The following CPEB3 variants were observed in gnomAD, a reference collection of about 807,000 sequenced individuals.
CPEB3 encodes cytoplasmic polyadenylation element-binding protein 3.
CPEB3 carries 20 observed loss-of-function variants against 67.2 expected under a neutral mutation model. The observed-to-expected ratio is 0.30, with a 90% CI of 0.21 to 0.43. CPEB3 has a LOEUF of 0.43. Among genes scored for constraint, CPEB3 ranks in the 20% least tolerant of loss-of-function variants. The probability of loss-of-function intolerance (pLI) is 1.00; values close to 1 mark genes in which losing one functional copy is unlikely to be tolerated. For synonymous variants in CPEB3, 376 were observed against 393.1 expected (o/e 0.96, Z 0.51); for missense variants, 746 against 968.6 (o/e 0.77, Z 3.05).
At chr10:92,139,889 A>T (rs1023688850) in intron 6 of CPEB3, among the ~76,000 whole-genome samples, 5 of 152,106 alleles carry the variant, frequency 3.3e-5, no homozygotes, top group African/African-American at 1.2e-4. Flanking sequence ...CCTGGCCAAT[A>T]TGGTGAAAAC....
chr10:92,096,620 G>A (rs1486454166), intron 7 of CPEB3, among the ~76,000 whole-genome samples: 2 of 152,056 alleles, frequency 1.3e-5, no homozygotes, highest in East Asian at 1.9e-4. Flanking sequence ...GGAGCAGCCT[G>A]ACCACATTTT....
intron 1 of CPEB3, among the ~76,000 whole-genome samples, chr10:92,268,838 G>A (rs1182798525): frequency 6.6e-6 from 1 of 152,080 alleles, no homozygotes; most frequent in Non-Finnish European, 1.5e-5. Flanking sequence ...AGATTAACTG[G>A]GGAGTTTCAT....
chr10:92,097,907 A>G (rs1843956866), intron 7 of CPEB3, among the ~76,000 whole-genome samples: 1 of 152,072 alleles, frequency 6.6e-6, no homozygotes, highest in Non-Finnish European at 1.5e-5. Context: ...CACACCTGTA[A>G]TCCCAGCACT....
At chr10:92,280,428 TA>T (rs1193617351) in intron 1 of CPEB3, among the ~76,000 whole-genome samples, 5 of 148,038 alleles carry the variant, frequency 3.4e-5, no homozygotes, top group African/African-American at 1.3e-4. Context: ...TTTCAGGTTT[TA>T]AAAATTCCTG....
intron 6 of CPEB3, chr10:92,138,341 T>C: frequency 4.7e-6 from 1 of 211,316 alleles, no homozygotes; most frequent in South Asian, 8.7e-5. Context: ...TCCATTGAGG[T>C]GATGGCCCTC....
At position 92,197,285 on chromosome 10, in the gene CPEB3, C is replaced by T. The variant is rs552424413; in HGVS notation, c.1006-4649G>A. On this transcript the variant is annotated intron_variant, in intron 2 of 9. Transcript: ENST00000265997. ...TTATATTTGATGCATACCATTCATCCTTTTTGTTTTAGAAGTAGTAAACGT... is the reference window on the plus strand; with the variant it reads ...TTATATTTGATGCATACCATTCATCTTTTTTGTTTTAGAAGTAGTAAACGT... Among the ~76,000 whole-genome samples, 6 of 152,222 alleles carry T rather than the reference C, an allele frequency of 3.9e-5. No individual in the cohort carries two copies. In the East Asian group the frequency reaches 1.2e-3, roughly 29 times the overall value.
intron 1 of CPEB3, among the ~76,000 whole-genome samples, chr10:92,248,560 A>G (rs528019865): frequency 6.6e-6 from 1 of 152,348 alleles, no homozygotes; most frequent in Non-Finnish European, 1.5e-5. Flanking sequence ...GGATGGATGA[A>G]TAAAGCATAG....
intron 7 of CPEB3, among the ~76,000 whole-genome samples, chr10:92,102,581 A>G (rs552882053): frequency 6.6e-6 from 1 of 152,350 alleles, no homozygotes; most frequent in African/African-American, 2.4e-5. Context: ...CTGATGAACA[A>G]TTCGAACAAT....
chr10:92,239,551 T>A lies in CPEB3; in HGVS notation c.800A>T (p.Asp267Val). ...GCCCACACCGACCGCCCGGCGAGGG[T>A]CCCGGCCCGCCTGCAGGCCGCCCCA... ...NPWGGLQAGRDPRRAVGVGVG... is the reference protein window; with the variant it reads ...NPWGGLQAGRVPRRAVGVGVG... The change falls in exon 2 of 10, where the codon GAC becomes GTC. Residue 267 changes from aspartate to valine, a missense_variant. Coordinates refer to ENST00000265997, the MANE Select transcript of CPEB3 (RefSeq NM_014912.5). This position sits in a 1 kb window ranked among gnomAD's most constrained non-coding sequence, Gnocchi z 6.0. 1 of 1,556,144 alleles carries A rather than the reference T, an allele frequency of 6.4e-7. No homozygotes were observed. The highest frequency in any genetic ancestry group is 8.7e-7 in the Non-Finnish European group (1 of 1,149,268).
At chr10:92,192,863 T>C (rs902664467) in intron 2 of CPEB3, among the ~76,000 whole-genome samples, 3 of 152,034 alleles carry the variant, frequency 2.0e-5, no homozygotes, top group Non-Finnish European at 4.4e-5. Flanking sequence ...AGCAATCCTC[T>C]TGCCTTGGCC....
intron 2 of CPEB3, among the ~76,000 whole-genome samples, chr10:92,214,043 C>A (rs541556164): frequency 6.6e-6 from 1 of 152,186 alleles, no homozygotes; most frequent in African/African-American, 2.4e-5. Context: ...AAGTAACACA[C>A]AACCATTTTC....
At chr10:92,108,652 C>T (rs144291730) in intron 7 of CPEB3, among the ~76,000 whole-genome samples, 1 of 152,320 alleles carries the variant, frequency 6.6e-6, no homozygotes, top group East Asian at 1.9e-4. Context: ...GTGTGATTGG[C>T]AGTCGCCATT....
At chr10:92,129,523 G>A (rs780326417) in intron 6 of CPEB3, among the ~76,000 whole-genome samples, 5 of 152,090 alleles carry the variant, frequency 3.3e-5, no homozygotes, top group Non-Finnish European at 5.9e-5. Context: ...CTGTTCTGTT[G>A]GGATTATTCT....
At chr10:92,212,249 T>C (rs1590401127) in intron 2 of CPEB3, among the ~76,000 whole-genome samples, 3 of 150,846 alleles carry the variant, frequency 2.0e-5, no homozygotes, top group Admixed American at 2.0e-4. Flanking sequence ...TTCACTCTTG[T>C]TGCCCAGGCA....
chr10:92,176,386 G>A (rs1244254423), intron 4 of CPEB3, among the ~76,000 whole-genome samples: 1 of 152,214 alleles, frequency 6.6e-6, no homozygotes, highest in Non-Finnish European at 1.5e-5. Context: ...GAGGCAAAGA[G>A]GAGTTAAGAA....
At chr10:92,099,116 C>T (rs954411443) in intron 7 of CPEB3, among the ~76,000 whole-genome samples, 6 of 151,544 alleles carry the variant, frequency 4.0e-5, no homozygotes, top group African/African-American at 1.5e-4. Context: ...ATTATAGCTC[C>T]ATATAAAAAC....
chr10:92,057,517 G>A (rs534868964), intron 9 of CPEB3, among the ~76,000 whole-genome samples: 1 of 152,330 alleles, frequency 6.6e-6, no homozygotes, highest in Non-Finnish European at 1.5e-5. Flanking sequence ...CAGAGGCTTG[G>A]GGAATCTCGC....
chr10:92,286,638 T>C (rs565032111), intron 1 of CPEB3, among the ~76,000 whole-genome samples: 1 of 151,520 alleles, frequency 6.6e-6, no homozygotes, highest in African/African-American at 2.4e-5. Context: ...AGCATACCTA[T>C]GCATATATTT....
At chr10:92,090,756 G>T (rs1331355957) in intron 8 of CPEB3, among the ~76,000 whole-genome samples, 1 of 152,020 alleles carries the variant, frequency 6.6e-6, no homozygotes, top group Non-Finnish European at 1.5e-5. Flanking sequence ...GGCTGCATTT[G>T]CCCCCATCTC....
Sources: gnomAD v4.1 joint callset for allele counts (sites outside exome capture counted in the v4.1 genomes callset) on GRCh38, gnomAD v4.1.1 for gene constraint, Gnocchi (gnomAD v3.1) non-coding constraint, MANE v1.5 for transcripts, NCBI Gene and HGNC (gene_info 2026-07-23, HGNC 2026-07-21) for gene names.